SYT14: variants seen among roughly 807,000 people sequenced by gnomAD.
SYT14 encodes synaptotagmin 14.
SYT14 carries 32 observed loss-of-function variants against 74.2 expected under a neutral mutation model. The observed-to-expected ratio is 0.43, with a 90% CI of 0.33 to 0.58. SYT14 has a LOEUF of 0.58. Ranked by LOEUF, SYT14 falls within the 20% of genes least tolerant of loss-of-function variation. The pLI, the probability that SYT14 is intolerant of heterozygous loss-of-function variation, is 0.05. For synonymous variants in SYT14, 298 were observed against 337.7 expected, an observed-to-expected ratio of 0.88 and a Z score of 1.29; for missense variants, 791 against 981.8, an observed-to-expected ratio of 0.81 and a Z score of 2.60.
chr1:210,145,386 T>C (rs748986740), intron 7 of SYT14, among the ~76,000 whole-genome samples: 4 of 152,204 alleles, frequency 2.6e-5, no homozygotes, highest in Non-Finnish European at 4.4e-5. Flanking sequence ...CCTCTCTTGC[T>C]TCCATTACTT....
chr1:210,115,742 G>A (rs1205200373), intron 7 of SYT14, among the ~76,000 whole-genome samples: 2 of 151,258 alleles, frequency 1.3e-5, no homozygotes, highest in Non-Finnish European at 2.9e-5. Flanking sequence ...TGGTTGGTCT[G>A]AGGACCCGAG....
At chr1:210,071,647 C>T (rs1292280306) in intron 5 of SYT14, among the ~76,000 whole-genome samples, 9 of 151,912 alleles carry the variant, frequency 5.9e-5, no homozygotes, top group Admixed American at 5.2e-4. Flanking sequence ...TATTCAATTC[C>T]TGATTTTTTA....
At chr1:210,156,815 C>T (rs7527845) in intron 8 of SYT14, 71,954 of 269,014 alleles carry the variant, frequency 0.27, 11,145 homozygotes, top group East Asian at 0.42. Context: ...GCCTCAGCCT[C>T]CTGAGTAGCT....
intron 7 of SYT14, among the ~76,000 whole-genome samples, chr1:210,117,937 C>A (rs920052942): frequency 3.3e-5 from 5 of 152,100 alleles, no homozygotes; most frequent in African/African-American, 4.8e-5. Context: ...TTTGTTGAGC[C>A]ATCCAAATGC....
exon 4 of SYT14, chr1:210,016,796 A>C: frequency 8.1e-7 from 1 of 1,231,822 alleles, no homozygotes; most frequent in Non-Finnish European, 1.0e-6. Context: ...GAAAGCTGAA[A>C]AATGTGTTAA....
chr1:210,075,059 T>C (rs185111126), intron 5 of SYT14, among the ~76,000 whole-genome samples: 7 of 152,302 alleles, frequency 4.6e-5, no homozygotes, highest in Admixed American at 6.5e-5. Context: ...GCAGATGGGA[T>C]AGCCAGAAGG....
chr1:209,990,178 C>T (rs999476545), intron 2 of SYT14, among the ~76,000 whole-genome samples: 9 of 151,986 alleles, frequency 5.9e-5, no homozygotes, highest in African/African-American at 2.2e-4. Context: ...CACCTTTCAT[C>T]TGTTTTTGTA....
intron 5 of SYT14, among the ~76,000 whole-genome samples, chr1:210,076,514 A>G (rs186978405): frequency 6.6e-6 from 1 of 152,312 alleles, no homozygotes; most frequent in Non-Finnish European, 1.5e-5. Flanking sequence ...CTTTCATATA[A>G]ATGGAACAAT....
intron 5 of SYT14, among the ~76,000 whole-genome samples, chr1:210,024,579 A>G (rs535158126): frequency 1.1e-5 from 1 of 91,662 alleles, no homozygotes; most frequent in African/African-American, 3.4e-5. Context: ...GTGATTTTAC[A>G]TATGTGATGA....
At chr1:210,069,075 A>C (rs1261979535) in intron 5 of SYT14, among the ~76,000 whole-genome samples, 1 of 151,888 alleles carries the variant, frequency 6.6e-6, no homozygotes, top group Non-Finnish European at 1.5e-5. Context: ...TTAAGCTAAA[A>C]GAAATCTCTT....
intron 1 of SYT14, among the ~76,000 whole-genome samples, chr1:209,938,494 C>T (rs2078673304): frequency 6.6e-6 from 1 of 151,826 alleles, no homozygotes; most frequent in South Asian, 2.1e-4. Context: ...CCCCGGCCTT[C>T]GTGGTTTTGC....
At chr1:210,084,773 A>C (rs1191646008) in intron 5 of SYT14, among the ~76,000 whole-genome samples, 1 of 152,248 alleles carries the variant, frequency 6.6e-6, no homozygotes, top group Non-Finnish European at 1.5e-5. Flanking sequence ...AATTTGCTCA[A>C]TAAGAAGACT....
At chr1:210,146,119 C>T (rs1169566663) in intron 7 of SYT14, among the ~76,000 whole-genome samples, 1 of 152,122 alleles carries the variant, frequency 6.6e-6, no homozygotes, top group African/African-American at 2.4e-5. Context: ...GGGCAGGTCA[C>T]CTGAGGTCAG....
intron 5 of SYT14, among the ~76,000 whole-genome samples, chr1:210,029,560 C>T (rs1196722455): frequency 6.6e-6 from 1 of 152,128 alleles, no homozygotes. Flanking sequence ...TGTCAAAAAT[C>T]ATTTGACCAT....
At chr1:209,949,348 G>A (rs1281600930) in intron 1 of SYT14, among the ~76,000 whole-genome samples, 1 of 152,088 alleles carries the variant, frequency 6.6e-6, no homozygotes, top group African/African-American at 2.4e-5. Flanking sequence ...GCCGAGGCGG[G>A]CGGATCATGA....
chr1:210,041,429 A>G (rs2080786097), intron 5 of SYT14, among the ~76,000 whole-genome samples: 1 of 152,206 alleles, frequency 6.6e-6, no homozygotes, highest in Admixed American at 6.5e-5. Context: ...TTTTAATTTG[A>G]TTATTAGTTA....
At chr1:209,943,342 T>A (rs2078767283) in intron 1 of SYT14, among the ~76,000 whole-genome samples, 1 of 151,684 alleles carries the variant, frequency 6.6e-6, no homozygotes, top group East Asian at 1.9e-4. Context: ...TTGTCTCTAC[T>A]AAAAATACAA....
intron 5 of SYT14, among the ~76,000 whole-genome samples, chr1:210,059,881 C>T (rs2081176949): frequency 6.6e-6 from 1 of 152,098 alleles, no homozygotes. Flanking sequence ...AGGCATCTCA[C>T]CCTCCCATAT....
At chr1:209,946,147 C>T (rs2078820483) in intron 1 of SYT14, among the ~76,000 whole-genome samples, 1 of 152,130 alleles carries the variant, frequency 6.6e-6, no homozygotes, top group Admixed American at 6.5e-5. Flanking sequence ...TCAGTTATTC[C>T]CTCAGTCTCT....
Sources: allele counts gnomAD v4.1 joint callset (sites outside exome capture counted in the v4.1 genomes callset), GRCh38; gene constraint gnomAD v4.1.1; transcripts MANE v1.5; gene names NCBI Gene and HGNC (gene_info 2026-07-23, HGNC 2026-07-21).